The following PRELID2 variants were observed in gnomAD, a reference collection of about 807,000 sequenced individuals.
The protein encoded by PRELID2 is PRELI domain-containing protein 2.
In PRELID2, 25 loss-of-function variants were observed where a neutral mutation model predicts 28.4. That is an observed-to-expected ratio of 0.88 (90% CI 0.64 to 1.23). The LOEUF (loss-of-function observed/expected upper bound fraction) is 1.23, where lower values mean the gene tolerates loss of function less well. Among genes scored for constraint, PRELID2 ranks in the 50% most tolerant of loss-of-function variants. The probability of loss-of-function intolerance (pLI) is 0.00; values close to 1 mark genes in which losing one functional copy is unlikely to be tolerated. For missense variants in PRELID2, 201 were observed against 214.4 expected (o/e 0.94, Z 0.39); for synonymous variants, 76 against 71.6 (o/e 1.06, Z -0.31).
the PRELID2 span, among the ~76,000 whole-genome samples, chr5:145,417,377 A>T: frequency 6.6e-6 from 1 of 151,946 alleles, no homozygotes; most frequent in Non-Finnish European, 1.5e-5. Context: ...AAAAGAAGGA[A>T]CTCCTCTGTA....
intron 1 of PRELID2, among the ~76,000 whole-genome samples, chr5:145,665,181 AC>A (rs1311470164): frequency 1.3e-5 from 2 of 152,042 alleles, no homozygotes; most frequent in Non-Finnish European, 2.9e-5. Context: ...CTACAATACA[AC>A]CTAAGAATCT....
chr5:145,246,260 C>T, the PRELID2 span, among the ~76,000 whole-genome samples: 1 of 152,052 alleles, frequency 6.6e-6, no homozygotes, highest in Non-Finnish European at 1.5e-5. Context: ...GCCTAGACTG[C>T]AGAAGCGTGG....
chr5:145,470,322 G>A (rs1193974497), downstream of PRELID2, among the ~76,000 whole-genome samples: 1 of 152,054 alleles, frequency 6.6e-6, no homozygotes, highest in Non-Finnish European at 1.5e-5. Flanking sequence ...TTTGACTCAG[G>A]GCTGTAGTTT....
At chr5:145,734,591 A>C (rs1756441349) in intron 1 of PRELID2, among the ~76,000 whole-genome samples, 3 of 152,174 alleles carry the variant, frequency 2.0e-5, no homozygotes, top group Non-Finnish European at 4.4e-5. Flanking sequence ...GATATTAATT[A>C]GCATGTTTTA....
chr5:145,287,023 GTTACAC>G, the PRELID2 span, among the ~76,000 whole-genome samples: 1,019 of 151,954 alleles, frequency 6.7e-3, 12 homozygotes, highest in African/African-American at 0.024. Context: ...ACTTCTTATT[GTTACAC>G]TTAAACTGTA....
At chr5:145,408,456 A>G in the PRELID2 span, among the ~76,000 whole-genome samples, 2 of 146,820 alleles carry the variant, frequency 1.4e-5, no homozygotes, top group African/African-American at 5.0e-5. Flanking sequence ...TGTATAATAT[A>G]TATGTATAAT....
chr5:145,654,205 C>G (rs1187403522), intron 1 of PRELID2, among the ~76,000 whole-genome samples: 1 of 152,050 alleles, frequency 6.6e-6, no homozygotes, highest in Non-Finnish European at 1.5e-5. Context: ...CCAGGAAGAA[C>G]TCGAATCCCT....
chr5:145,609,114 A>C (rs944921291), intron 1 of PRELID2, among the ~76,000 whole-genome samples: 2 of 152,154 alleles, frequency 1.3e-5, no homozygotes, highest in Admixed American at 6.5e-5. Context: ...CTATCAGTTC[A>C]TTTTGGTTCT....
chr5:145,242,628 A>C, the PRELID2 span, among the ~76,000 whole-genome samples: 1 of 152,118 alleles, frequency 6.6e-6, no homozygotes, highest in Non-Finnish European at 1.5e-5. Context: ...TCAATGTAAC[A>C]GTTACAGATG....
At chr5:145,509,847 G>A (rs977376206) in intron 1 of PRELID2, among the ~76,000 whole-genome samples, 1 of 152,104 alleles carries the variant, frequency 6.6e-6, no homozygotes, top group Non-Finnish European at 1.5e-5. Context: ...CTCAGAATCT[G>A]TTTTTTCACT....
chr5:145,389,008 A>G, the PRELID2 span, among the ~76,000 whole-genome samples: 1 of 152,202 alleles, frequency 6.6e-6, no homozygotes, highest in Non-Finnish European at 1.5e-5. Flanking sequence ...TCACCACTGT[A>G]GTGCTAGCTC....
chr5:145,500,017 C>A (rs559416016), intron 1 of PRELID2, among the ~76,000 whole-genome samples: 1 of 152,276 alleles, frequency 6.6e-6, no homozygotes, highest in East Asian at 1.9e-4. Flanking sequence ...CTGGTGCTTT[C>A]CAGTGTGATG....
chr5:145,659,701 G>A (rs939071056), intron 1 of PRELID2, among the ~76,000 whole-genome samples: 1 of 152,182 alleles, frequency 6.6e-6, no homozygotes, highest in Admixed American at 6.5e-5. Flanking sequence ...ATGGACCTCA[G>A]AATGTGGCCT....
chr5:145,364,933 A>G, the PRELID2 span, among the ~76,000 whole-genome samples: 5 of 152,014 alleles, frequency 3.3e-5, no homozygotes, highest in Admixed American at 1.3e-4. Context: ...GTAAATAAAT[A>G]TAGGAAATTT....
At chr5:145,286,704 T>G in the PRELID2 span, among the ~76,000 whole-genome samples, 100 of 95,938 alleles carry the variant, frequency 1.0e-3, 2 homozygotes, top group South Asian at 0.025. Flanking sequence ...AAGTTTTTGT[T>G]TTTTTTTGTT....
At chr5:145,432,541 A>G in the PRELID2 span, among the ~76,000 whole-genome samples, 20 of 152,076 alleles carry the variant, frequency 1.3e-4, no homozygotes, top group African/African-American at 4.6e-4. Flanking sequence ...CAAAGCTGCC[A>G]TGGACTAATT....
At chr5:145,495,405 CAAT>C (rs2126629693) in intron 1 of PRELID2, among the ~76,000 whole-genome samples, 1 of 152,308 alleles carries the variant, frequency 6.6e-6, no homozygotes, top group South Asian at 2.1e-4. Flanking sequence ...TGCATTTAGT[CAAT>C]CCAAGCTTTC....
the PRELID2 span, among the ~76,000 whole-genome samples, chr5:145,246,700 C>T: frequency 6.6e-6 from 1 of 152,116 alleles, no homozygotes; most frequent in Non-Finnish European, 1.5e-5. Context: ...TGCCACTGCT[C>T]TACGAGACGG....
intron 1 of PRELID2, among the ~76,000 whole-genome samples, chr5:145,525,458 A>G (rs1464449035): frequency 6.6e-6 from 1 of 152,072 alleles, no homozygotes; most frequent in African/African-American, 2.4e-5. Context: ...TTCTCACCTG[A>G]AGTCTTTGGT....
Sources: allele counts gnomAD v4.1 joint callset (sites outside exome capture counted in the v4.1 genomes callset), GRCh38; gene constraint gnomAD v4.1.1; transcripts MANE v1.5; gene names NCBI Gene and HGNC (gene_info 2026-07-23, HGNC 2026-07-21).